Variants in EZR observed in about 807,000 individuals in gnomAD.
EZR encodes ezrin, also known as cytovillin 2.
A neutral mutation model predicts 74.8 loss-of-function variants in EZR; 40 were observed. That is an observed-to-expected ratio of 0.53 (90% CI 0.42 to 0.70). The LOEUF is 0.70. Among genes scored for constraint, EZR ranks in the 30% least tolerant of loss-of-function variants. The probability of loss-of-function intolerance (pLI) is 0.00; values close to 1 mark genes in which losing one functional copy is unlikely to be tolerated. For missense variants in EZR, 678 were observed against 755.8 expected (o/e 0.90, Z 1.21); for synonymous variants, 341 against 283.3 (o/e 1.20, Z -2.05).
At chr6:158,805,021 T>G (rs1777304195) in intron 2 of EZR, among the ~76,000 whole-genome samples, 1 of 150,936 alleles carries the variant, frequency 6.6e-6, no homozygotes, top group Non-Finnish European at 1.5e-5. Context: ...GTGTTTGGTT[T>G]TTTGTTCTTG....
At position 158,785,363 on chromosome 6, in the gene EZR, T is replaced by C. The variant is rs929883961; in HGVS notation, c.413A>G (p.Asn138Ser). The C allele has an allele frequency of 6.2e-7, 1 of 1,614,212 alleles. No individual in the cohort carries two copies. The highest frequency in any genetic ancestry group is 8.5e-7 in the Non-Finnish European group (1 of 1,180,028). Reference sequence around the variant, plus strand: ...GTACCCAGACTTGTGCACTTCTTTGTTGTAGTCCCCAAACTTGGCCTGCAC... The same window carrying C: ...GTACCCAGACTTGTGCACTTCTTTGCTGTAGTCCCCAAACTTGGCCTGCAC... The part of the protein sequence containing the change: ...YAVQAKFGDY[N>S]KEVHKSGYLS... The change falls in exon 5 of 14, where the codon AAC (asparagine) becomes AGC (serine). Residue 138 changes from asparagine (N) to serine (S), a missense_variant. This residue lies in a region of EZR where 217 missense variants were observed against 232.2 expected (regional missense o/e 0.93). Coordinates refer to ENST00000367075, the MANE Select transcript of EZR (RefSeq NM_001111077.2).
At chr6:158,796,254 G>A (rs539570540) in intron 2 of EZR, among the ~76,000 whole-genome samples, 2 of 152,230 alleles carry the variant, frequency 1.3e-5, no homozygotes, top group African/African-American at 4.8e-5. Flanking sequence ...GCAGACACAC[G>A]ACAGCACAGG....
intron 3 of EZR, among the ~76,000 whole-genome samples, chr6:158,787,426 A>T (rs530605313): frequency 8.5e-4 from 129 of 152,306 alleles, no homozygotes; most frequent in African/African-American, 2.9e-3. Flanking sequence ...TATAAATTTG[A>T]GCAGATTCAG....
intron 2 of EZR, among the ~76,000 whole-genome samples, chr6:158,804,302 A>G (rs1248823076): frequency 6.6e-6 from 1 of 152,232 alleles, no homozygotes; most frequent in Non-Finnish European, 1.5e-5. Context: ...TAATCAAAGG[A>G]TGTTACATTC....
chr6:158,789,683 G>T (rs570049237), intron 2 of EZR: 1 of 484,820 alleles, frequency 2.1e-6, no homozygotes, highest in African/African-American at 1.9e-5. Context: ...GCAGTGGCAC[G>T]ATCACAGCTC....
chr6:158,771,165 A>C, intron 9 of EZR, 79 bp downstream of exon 9: 1 of 1,490,600 alleles, frequency 6.7e-7, no homozygotes, highest in Middle Eastern at 2.3e-4. Flanking sequence ...TCAGCTCCAC[A>C]GTCACCTGAC....
intron 2 of EZR, among the ~76,000 whole-genome samples, chr6:158,795,911 T>C (rs938191332): frequency 1.5e-4 from 23 of 152,212 alleles, no homozygotes; most frequent in African/African-American, 5.1e-4. Flanking sequence ...AGCTGATGAC[T>C]TCCTGCCACT....
chr6:158,791,706 ATTTTT>A (rs57581855), intron 2 of EZR, among the ~76,000 whole-genome samples: 1 of 96,262 alleles, frequency 1.0e-5, no homozygotes, highest in Non-Finnish European at 2.0e-5. Context: ...TTCAGACTCC[ATTTTT>A]TTTTTTTTTT....
intron 8 of EZR, among the ~76,000 whole-genome samples, chr6:158,775,455 T>A (rs1469930243): frequency 1.3e-5 from 2 of 152,248 alleles, no homozygotes; most frequent in African/African-American, 4.8e-5. Flanking sequence ...CATACTGTTC[T>A]AAGTGGATTT....
intron 12 of EZR, 40 bp downstream of exon 12, chr6:158,769,286 G>A (rs745748902): frequency 6.4e-7 from 1 of 1,568,138 alleles, no homozygotes; most frequent in South Asian, 1.1e-5. Context: ...TGGGCAACAG[G>A]TGCTGTGGCC....
chr6:158,773,858 G>A (rs947542052), intron 8 of EZR, among the ~76,000 whole-genome samples: 1 of 152,228 alleles, frequency 6.6e-6, no homozygotes, highest in Non-Finnish European at 1.5e-5. Flanking sequence ...ACGCCCTTTT[G>A]AAAGGGAAAA....
intron 2 of EZR, among the ~76,000 whole-genome samples, chr6:158,807,184 T>G (rs532086081): frequency 2.6e-5 from 4 of 152,036 alleles, no homozygotes; most frequent in South Asian, 2.1e-4. Flanking sequence ...GTGTGATGGC[T>G]GGCGCCTGTA....
intron 2 of EZR, among the ~76,000 whole-genome samples, chr6:158,804,838 G>A (rs1050142088): frequency 3.1e-4 from 47 of 150,090 alleles, no homozygotes; most frequent in African/African-American, 1.1e-3. Context: ...ATGTATACAT[G>A]TGCCATGCTG....
chr6:158,771,333 C>T lies in EZR; in HGVS notation c.870G>A (p.Leu290=). Residue 290 remains leucine (L), a synonymous_variant, in exon 9 of 14, where the codon TTG becomes TTA. Coordinates refer to ENST00000367075, the MANE Select transcript of EZR (RefSeq NM_001111077.2). ...ILQLCMGNHE[L]YMRRRKPDTI... The stretch of plus-strand genomic sequence containing the variant: ...TGTCAGGCTTCCTGCGGCGCATATA[C>T]AACTCATGGTTGCCCATGCAGAGCT... The T allele has an allele frequency of 6.2e-7, 1 of 1,614,220 alleles. No homozygotes were observed. Among genetic ancestry groups the T allele is most frequent in the Non-Finnish European group, 8.5e-7 (1 of 1,180,026 alleles).
intron 2 of EZR, among the ~76,000 whole-genome samples, chr6:158,795,466 G>A (rs777578351): frequency 4.6e-5 from 7 of 152,038 alleles, no homozygotes; most frequent in South Asian, 2.1e-4. Context: ...AGCTCAGCTC[G>A]AACTTACTAT....
At chr6:158,780,011 C>T (rs1302424912) in intron 7 of EZR, among the ~76,000 whole-genome samples, 1 of 152,008 alleles carries the variant, frequency 6.6e-6, no homozygotes, top group African/African-American at 2.4e-5. Flanking sequence ...AGTGAAACCC[C>T]ATCTCTACTA....
intron 11 of EZR, 83 bp from the exon 12 acceptor site, chr6:158,769,501 G>T (rs1435193672): frequency 7.2e-7 from 1 of 1,396,180 alleles, no homozygotes; most frequent in Non-Finnish European, 1.0e-6. Context: ...ATGTGTGTTG[G>T]CAAGCAGTCT....
intron 2 of EZR, among the ~76,000 whole-genome samples, chr6:158,800,541 C>T (rs1777166473): frequency 6.6e-6 from 1 of 152,210 alleles, no homozygotes; most frequent in African/African-American, 2.4e-5. Context: ...TGGCTCATGC[C>T]TATAATCCTA....
intron 2 of EZR, among the ~76,000 whole-genome samples, chr6:158,808,576 G>A (rs886503991): frequency 2.0e-5 from 3 of 152,192 alleles, no homozygotes; most frequent in African/African-American, 7.2e-5. Context: ...GGTACAAGTG[G>A]AACCGCACAG....
Sources: allele counts gnomAD v4.1 joint callset (sites outside exome capture counted in the v4.1 genomes callset), GRCh38; gene constraint gnomAD v4.1.1; regional missense constraint gnomAD v4.1.1; transcripts MANE v1.5; gene names NCBI Gene and HGNC (gene_info 2026-07-23, HGNC 2026-07-21).